Variants in ZNF850 observed in about 807,000 individuals in gnomAD.
ZNF850 encodes the protein zinc finger protein 850.
In ZNF850, 2 loss-of-function variants were observed where a neutral mutation model predicts 11.9. That is an observed-to-expected ratio of 0.17 (90% CI 0.07 to 0.53). ZNF850 has a LOEUF of 0.53. Ranked by LOEUF, ZNF850 falls within the 20% of genes least tolerant of loss-of-function variation. The pLI is 0.94. For synonymous variants in ZNF850, 381 were observed against 443.0 expected, an observed-to-expected ratio of 0.86 and a Z score of 1.76; for missense variants, 1,014 against 1,316.4, an observed-to-expected ratio of 0.77 and a Z score of 3.55.
At chr19:36,751,625 G>A (rs996476821) in intron 4 of ZNF850, among the ~76,000 whole-genome samples, 2 of 148,236 alleles carry the variant, frequency 1.3e-5, no homozygotes, top group African/African-American at 5.0e-5. Flanking sequence ...TTGAGCCCGG[G>A]AGGCTGAGGT....
Position 36,746,020 on chromosome 19 carries a change from A to C in ZNF850, c.*1747T>G, listed in dbSNP as rs1210196090. The C allele has an allele frequency of 6.6e-6, 1 of 152,164 alleles. No homozygotes were observed. The highest frequency in any genetic ancestry group is 1.5e-5 in the Non-Finnish European group (1 of 68,042). 9.4% of individuals were successfully genotyped at this position (152,164 alleles called of 1,614,324 possible). ...ATGACCTGTATCTTATGCTGACCTCATATCTCATCTTGTGACTTAGAATGA... is the reference window on the plus strand; with the variant it reads ...ATGACCTGTATCTTATGCTGACCTCCTATCTCATCTTGTGACTTAGAATGA... On this transcript the variant is annotated 3_prime_UTR_variant, in exon 5 of 5. Transcript: ENST00000591344.
chr19:36,748,981 A>T lies in ZNF850; in HGVS notation c.2059T>A (p.Tyr687Asn). The T allele has an allele frequency of 6.2e-7, 1 of 1,602,730 alleles. No homozygotes were observed. Among genetic ancestry groups the T allele is most frequent in the Non-Finnish European group, 8.5e-7 (1 of 1,175,530 alleles). Residue 687 changes from tyrosine to asparagine, a missense_variant, in exon 5 of 5, where the codon TAC (tyrosine) becomes AAC (asparagine). Tyr to Asn is a moderately radical substitution (Grantham distance 143). Around this residue, in one of 2 missense-constraint regions of ZNF850, gnomAD observed 835 missense variants for 1,022.0 expected, o/e 0.82. Transcript: ENST00000591344. The stretch of plus-strand genomic sequence containing the variant: ...TGAATTCTCCGATGTTGATTAAGGT[A>T]TGTACGCTGTCTAAAGGCCTTCCCA... Reference protein sequence around the residue: ...DCGKAFRQRTYLNQHRRIHTG... With the variant: ...DCGKAFRQRTNLNQHRRIHTG...
intron 4 of ZNF850, among the ~76,000 whole-genome samples, 188 bp downstream of exon 4, chr19:36,761,452 AAAT>A (rs2040517546): frequency 6.6e-6 from 1 of 151,974 alleles, no homozygotes; most frequent in Admixed American, 6.6e-5. Context: ...ATAAATAAAT[AAAT>A]AAATAATAAA....
rs1285165940 is a variant in ZNF850 at position 36,761,701 on chromosome 19, C to T, written c.177G>A (p.Leu59=). The part of the protein sequence containing the change: ...SIPKPDVISL[L]EQGKEPWMVS... Reference sequence around the variant, plus strand: ...CCATCCAGGGCTCTTTCCCTTGCTCCAGTAAGGAAATCACATCAGGCTTTG... The same window carrying T: ...CCATCCAGGGCTCTTTCCCTTGCTCTAGTAAGGAAATCACATCAGGCTTTG... Residue 59 remains leucine, a synonymous_variant, in exon 4 of 5, where the codon CTG becomes CTA. Coordinates refer to ENST00000591344, the MANE Select transcript of ZNF850 (RefSeq NM_001193552.2). The T allele has an allele frequency of 1.9e-6, 3 of 1,561,140 alleles. No individual in the cohort carries two copies. Among genetic ancestry groups the T allele is most frequent in the Non-Finnish European group, 2.6e-6 (3 of 1,159,362 alleles).
chr19:36,746,327 A>T lies in ZNF850; in HGVS notation c.*1440T>A, dbSNP rs889845052. On this transcript the variant is annotated 3_prime_UTR_variant, in exon 5 of 5. Coordinates refer to ENST00000591344, the MANE Select transcript of ZNF850 (RefSeq NM_001193552.2). ...TTAGGGCATCACAAACTGTGTCCAT[A>T]TAAGACAGCAAACTTAATTGATAAA... is the stretch of plus-strand genomic sequence containing the variant. 6.6e-6 allele frequency: 1 copy of T among 152,224 alleles called. No homozygotes were observed. The highest frequency in any genetic ancestry group is 2.1e-4 in the South Asian group (1 of 4,830). The allele number at this position is 152,224 out of a possible 1,614,324, so 9.4% of individuals were successfully genotyped here. A position where few individuals can be genotyped will look rare whatever the true frequency, so the allele number is the denominator to read the frequency against.
intron 1 of ZNF850, among the ~76,000 whole-genome samples, chr19:36,768,962 TAA>T (rs869086147): frequency 5.8e-4 from 74 of 127,326 alleles, no homozygotes; most frequent in Middle Eastern, 3.7e-3. Context: ...ACCCTGTCTT[TAA>T]AAAAAAAAAA....
intron 1 of ZNF850, among the ~76,000 whole-genome samples, chr19:36,769,877 C>G (rs527338747): frequency 6.6e-6 from 1 of 152,318 alleles, no homozygotes; most frequent in African/African-American, 2.4e-5. Context: ...ACTGTCATCC[C>G]ACAGGCTAAG....
intron 3 of ZNF850, 32 bp from the exon 4 acceptor site, chr19:36,761,770 G>A: frequency 7.6e-7 from 1 of 1,311,222 alleles, no homozygotes; most frequent in Non-Finnish European, 1.1e-6. Context: ...AGATAGCCAG[G>A]CATGGTGGCT....
At position 36,747,603 on chromosome 19, in the gene ZNF850, T is replaced by G. The variant is rs1002232495; in HGVS notation, c.*164A>C. The G allele has an allele frequency of 1.9e-4, 135 of 696,574 alleles. No homozygotes were observed. Among genetic ancestry groups the G allele is most frequent in the Non-Finnish European group, 2.9e-4 (134 of 457,670 alleles). The allele number at this position is 696,574 out of a possible 1,614,324, so 43.1% of individuals were successfully genotyped here. On this transcript the variant is annotated 3_prime_UTR_variant, in exon 5 of 5. Coordinates refer to ENST00000591344, the MANE Select transcript of ZNF850 (RefSeq NM_001193552.2). ...GTGAGCCGAGATAGCGCCACTGCAC[T>G]CCAGCCTGGGCGACAGAGCAAGACT...
Position 36,746,166 on chromosome 19 carries a change from G to T in ZNF850, c.*1601C>A, listed in dbSNP as rs1256137157. ...TAACCATGCAGTGAACAAGTCTATT[G>T]GCTCCATTTATTCACCAGCATGTGC... On this transcript the variant is annotated 3_prime_UTR_variant, in exon 5 of 5. Coordinates refer to ENST00000591344, the MANE Select transcript of ZNF850 (RefSeq NM_001193552.2). 1 of 151,358 alleles carries T rather than the reference G, an allele frequency of 6.6e-6. No individual in the cohort carries two copies. The highest frequency in any genetic ancestry group is 1.5e-5 in the Non-Finnish European group (1 of 67,924). The allele number at this position is 151,358 out of a possible 1,614,324, so 9.4% of individuals were successfully genotyped here.
intron 4 of ZNF850, among the ~76,000 whole-genome samples, chr19:36,760,462 A>G (rs1161520914): frequency 6.6e-6 from 1 of 152,036 alleles, no homozygotes; most frequent in Admixed American, 6.6e-5. Context: ...AAATAAATAA[A>G]TAAACCCTTT....
In ZNF850 at chr19:36,749,574, C is replaced by T. The variant is rs746975515; in HGVS notation, c.1466G>A (p.Arg489His). The change falls in exon 5 of 5, where the codon CGC becomes CAC. Residue 489 changes from arginine to histidine, a missense_variant. Coordinates refer to ENST00000591344, the MANE Select transcript of ZNF850 (RefSeq NM_001193552.2). ...CKECGKSFTFRSTRNRHQRIH... is the reference protein window; with the variant it reads ...CKECGKSFTFHSTRNRHQRIH... ...TCGCTGGTGTCGATTGCGTGTTGAG[C>T]GAAAAGTAAAAGATTTTCCACATTC... 3.9e-5 allele frequency: 61 copies of T among 1,545,476 alleles called. No homozygotes were observed. Among genetic ancestry groups the T allele is most frequent in the Admixed American group, 2.9e-4 (15 of 51,350 alleles).
chr19:36,763,590 C>T (rs894587203), intron 1 of ZNF850, among the ~76,000 whole-genome samples: 10 of 151,894 alleles, frequency 6.6e-5, no homozygotes, highest in Non-Finnish European at 1.3e-4. Context: ...ATGCACTTCA[C>T]TAATTAGTAC....
At chr19:36,760,396 G>A (rs1225139332) in intron 4 of ZNF850, among the ~76,000 whole-genome samples, 2 of 151,966 alleles carry the variant, frequency 1.3e-5, no homozygotes, top group African/African-American at 2.4e-5. Context: ...GCAGTGAGCC[G>A]AGATCACTCC....
chr19:36,766,310 G>T (rs978476036), intron 1 of ZNF850, among the ~76,000 whole-genome samples: 3 of 152,240 alleles, frequency 2.0e-5, no homozygotes, highest in South Asian at 4.1e-4. Flanking sequence ...TAATGGGAAA[G>T]ATATGCAATA....
chr19:36,757,081 A>G (rs2040491050), intron 4 of ZNF850, among the ~76,000 whole-genome samples: 1 of 152,178 alleles, frequency 6.6e-6, no homozygotes, highest in Admixed American at 6.6e-5. Context: ...GGCTAGTTTG[A>G]TGCTTCCTGG....
chr19:36,772,265 C>T (rs2040589514), intron 1 of ZNF850, among the ~76,000 whole-genome samples: 1 of 152,148 alleles, frequency 6.6e-6, no homozygotes, highest in African/African-American at 2.4e-5. Flanking sequence ...AGGTCCCACC[C>T]TAACTGCCTA....
chr19:36,749,959 C>T lies in ZNF850; in HGVS notation c.1081G>A (p.Gly361Ser). The T allele has an allele frequency of 6.4e-7, 1 of 1,568,446 alleles. No individual in the cohort carries two copies. Among genetic ancestry groups the T allele is most frequent in the Non-Finnish European group, 8.6e-7 (1 of 1,159,308 alleles). The change falls in exon 5 of 5, where the codon GGT becomes AGT. Residue 361 changes from glycine (G) to serine (S), a missense_variant. Coordinates refer to ENST00000591344, the MANE Select transcript of ZNF850 (RefSeq NM_001193552.2). The part of the protein sequence containing the change: ...ALIRHQRIHT[G>S]EKPYDCKECG... ...TCCTTACAGTCATAGGGTTTCTCACCAGTGTGAATTCGCTGATGTCGAATT... is the reference window on the plus strand; with the variant it reads ...TCCTTACAGTCATAGGGTTTCTCACTAGTGTGAATTCGCTGATGTCGAATT...
intron 1 of ZNF850, among the ~76,000 whole-genome samples, chr19:36,768,874 A>T (rs548992687): frequency 6.6e-6 from 1 of 151,354 alleles, no homozygotes; most frequent in East Asian, 2.0e-4. Flanking sequence ...AAGTGGGAGG[A>T]TCCCTTCAGC....
Sources: allele counts gnomAD v4.1 joint callset (sites outside exome capture counted in the v4.1 genomes callset), GRCh38; gene constraint gnomAD v4.1.1; regional missense constraint gnomAD v4.1.1; transcripts MANE v1.5; gene names NCBI Gene and HGNC (gene_info 2026-07-23, HGNC 2026-07-21).